HAUS8: variants seen among roughly 807,000 people sequenced by gnomAD.
HAUS8 encodes HAUS augmin-like complex subunit 8.
In HAUS8, 38 loss-of-function variants were observed where a neutral mutation model predicts 42.9. The observed-to-expected ratio is 0.89, with a 90% CI of 0.68 to 1.16. The LOEUF (loss-of-function observed/expected upper bound fraction) is 1.16, where lower values mean the gene tolerates loss of function less well. Ranked by LOEUF, HAUS8 falls within the 50% of genes most tolerant of loss-of-function variation. The probability of loss-of-function intolerance (pLI) is 0.00; values close to 1 mark genes in which losing one functional copy is unlikely to be tolerated. For missense variants in HAUS8, 494 were observed against 511.6 expected, an observed-to-expected ratio of 0.97 and a Z score of 0.33; for synonymous variants, 199 against 205.8, an observed-to-expected ratio of 0.97 and a Z score of 0.28.
intron 4 of HAUS8, among the ~76,000 whole-genome samples, chr19:17,060,888 A>G (rs2057356404): frequency 2.0e-5 from 3 of 152,220 alleles, no homozygotes; most frequent in African/African-American, 7.2e-5. Flanking sequence ...ATGCCAACAG[A>G]TGGCACGTAC....
chr19:17,055,103 C>T (rs1455784040), intron 9 of HAUS8: 1 of 101,658 alleles, frequency 9.8e-6, no homozygotes, highest in African/African-American at 4.0e-5. Flanking sequence ...TAGCGAAACC[C>T]CGTCTCTACA....
intron 1 of HAUS8, chr19:17,074,754 C>G (rs551942863): frequency 6.6e-6 from 1 of 152,212 alleles, no homozygotes; most frequent in South Asian, 2.1e-4. Flanking sequence ...TCTTGCTGGC[C>G]AATTTCACTT....
In HAUS8 at chr19:17,070,027, C is replaced by T. The variant is rs79850212; in HGVS notation, c.92-941G>A. 5.4e-3 allele frequency among the ~76,000 whole-genome samples: 823 copies of T among 152,232 alleles called. 28 individuals are homozygous for T. The East Asian group carries it at 0.089, about 17-fold the overall frequency. On this transcript the variant is annotated intron_variant, in intron 2 of 10. Coordinates refer to ENST00000253669, the MANE Select transcript of HAUS8 (RefSeq NM_033417.2). ...GCAACTCCCACCTCCCTGCCTGAAT[C>T]CCCACAGCTCCTCTCTCCACCAGAT...
intron 4 of HAUS8, 166 bp from the exon 5 acceptor site, chr19:17,060,258 T>G: frequency 5.5e-6 from 3 of 549,300 alleles, no homozygotes; most frequent in Non-Finnish European, 9.7e-6. Flanking sequence ...CCTGTGGAAA[T>G]TCCCAGCCAT....
chr19:17,050,898 A>C (rs1243787142), intron 10 of HAUS8, among the ~76,000 whole-genome samples: 3 of 145,968 alleles, frequency 2.1e-5, no homozygotes, highest in Non-Finnish European at 4.5e-5. Context: ...ACTCCGTCTC[A>C]AAAAAAAAAA....
At chr19:17,053,275 C>T (rs2057299248) in intron 9 of HAUS8, 3 of 373,332 alleles carry the variant, frequency 8.0e-6, no homozygotes, top group South Asian at 5.8e-5. Context: ...GGGAGAATGC[C>T]TGAGGCCTCC....
rs555694513 is a variant in HAUS8 at position 17,068,377 on chromosome 19, G to A, written c.147+654C>T. 8.5e-5 allele frequency among the ~76,000 whole-genome samples: 13 copies of A among 152,204 alleles called. No homozygotes were observed. The South Asian group carries it at 2.7e-3, about 32-fold the overall frequency. On this transcript the variant is annotated intron_variant, in intron 3 of 10. Coordinates refer to ENST00000253669, the MANE Select transcript of HAUS8 (RefSeq NM_033417.2). ...GATCCGCCCACCTCGGCCTCCCAAA[G>A]TAGCTGTTTTTAAATACCAGCCAGA...
At chr19:17,073,472 C>T in intron 1 of HAUS8, 137 bp from the exon 2 acceptor site, 1 of 793,876 alleles carries the variant, frequency 1.3e-6, no homozygotes. Flanking sequence ...TGAGGGTGGG[C>T]CACCTCAACA....
rs778885204 is a variant in HAUS8 at position 17,059,649 on chromosome 19, T to C, written c.328A>G (p.Lys110Glu). 1.9e-6 allele frequency: 3 copies of C among 1,609,806 alleles called. No homozygotes were observed. Among genetic ancestry groups the C allele is most frequent in the Non-Finnish European group, 2.6e-6 (3 of 1,176,442 alleles). Residue 110 changes from lysine to glutamate, a missense_variant and splice_region_variant, in exon 6 of 11, where the codon AAA (lysine) becomes GAA (glutamate). Transcript: ENST00000253669. ...TGTGGCGTCTTTTTGACGATGCTTT[T>C]GTCTAAGATAAAGCACAGCATTTTT... is the stretch of plus-strand genomic sequence containing the variant. ...PDLDLSAIND[K>E]SIVKKTPQLA...
chr19:17,055,143 A>AATATATAT (rs746719670), intron 9 of HAUS8: 8 of 15,504 alleles, frequency 5.2e-4, no homozygotes, highest in African/African-American at 1.9e-3. Context: ...AAAAAAAAAA[A>AATATATAT]ATATATATAT....
chr19:17,052,108 T>G (rs1014569105), intron 10 of HAUS8: 7 of 151,656 alleles, frequency 4.6e-5, no homozygotes, highest in Admixed American at 3.3e-4. Flanking sequence ...ACATTGCACT[T>G]AAGCCTGAGC....
At chr19:17,073,382 G>A (rs2057440456) in intron 1 of HAUS8, 47 bp from the exon 2 acceptor site, 2 of 1,565,372 alleles carry the variant, frequency 1.3e-6, no homozygotes, top group Admixed American at 1.7e-5. Flanking sequence ...TACCCAAGAA[G>A]CACAGGGAAG....
intron 9 of HAUS8, chr19:17,053,618 A>T (rs1038893984): frequency 2.0e-5 from 3 of 152,104 alleles, no homozygotes; most frequent in Non-Finnish European, 4.4e-5. Flanking sequence ...GTGGGGCCTA[A>T]TCCAGTGACT....
chr19:17,060,199 C>T (rs2057351833), intron 4 of HAUS8, 107 bp from the exon 5 acceptor site: 1 of 554,266 alleles, frequency 1.8e-6, no homozygotes, highest in Admixed American at 3.3e-5. Flanking sequence ...CTTCTAAAAG[C>T]CCAATTTCGT....
chr19:17,074,237 G>GCAGGGCCAAGGC (rs946581396), intron 1 of HAUS8: 4 of 152,634 alleles, frequency 2.6e-5, no homozygotes, highest in African/African-American at 9.7e-5. Flanking sequence ...AAGTGGAGGG[G>GCAGGGCCAAGGC]CAGGGCCAAG....
At position 17,058,635 on chromosome 19, in the gene HAUS8, TCTC is replaced by T. The variant is rs1321310047; in HGVS notation, c.556_558del (p.Glu186del). The T allele has an allele frequency of 6.2e-7, 1 of 1,613,744 alleles. No homozygotes were observed. The highest frequency in any genetic ancestry group is 1.1e-5 in the South Asian group (1 of 91,012). On this transcript the variant is annotated inframe_deletion, in exon 8 of 11. Transcript: ENST00000253669. ...AGCTCGTGGGCCTTTTTCTGTAGCT[TCTC>T]CTTCTCCTTACACATTATTAATAAA... is the stretch of plus-strand genomic sequence containing the variant.
intron 1 of HAUS8, chr19:17,074,611 TG>T (rs1329127764): frequency 2.6e-5 from 4 of 152,394 alleles, no homozygotes; most frequent in African/African-American, 9.7e-5. Flanking sequence ...TCAAACCGAA[TG>T]GGCTCCTGGG....
intron 4 of HAUS8, among the ~76,000 whole-genome samples, chr19:17,060,563 C>A (rs1185427306): frequency 6.6e-6 from 1 of 152,202 alleles, no homozygotes; most frequent in Non-Finnish European, 1.5e-5. Context: ...CACTCGCCAC[C>A]ATGCTCAGCT....
At chr19:17,058,785 A>G (rs1379766976) in intron 7 of HAUS8, 26 bp downstream of exon 7, 1 of 1,611,076 alleles carries the variant, frequency 6.2e-7, no homozygotes. Context: ...CATCCATGGC[A>G]TACGTGAACA....
Sources: gnomAD v4.1 joint callset for allele counts (sites outside exome capture counted in the v4.1 genomes callset) on GRCh38, gnomAD v4.1.1 for gene constraint, MANE v1.5 for transcripts, NCBI Gene and HGNC (gene_info 2026-07-23, HGNC 2026-07-21) for gene names.